UPF3A: variants seen among roughly 807,000 people sequenced by gnomAD.
UPF3A encodes the protein regulator of nonsense transcripts 3A.
UPF3A carries 42 observed loss-of-function variants against 53.5 expected under a neutral mutation model. The observed-to-expected ratio is 0.78, with a 90% CI of 0.61 to 1.01. The LOEUF (loss-of-function observed/expected upper bound fraction) is 1.01. Ranked by LOEUF, UPF3A falls within the 50% of genes least tolerant of loss-of-function variation. The pLI, the probability that UPF3A is intolerant of heterozygous loss-of-function variation, is 0.00. For missense variants in UPF3A, 575 were observed against 598.0 expected (o/e 0.96, Z 0.40); for synonymous variants, 237 against 225.3 (o/e 1.05, Z -0.47).
chr13:114,293,383 T>TAA (rs111799077), intron 7 of UPF3A, among the ~76,000 whole-genome samples: 1 of 145,666 alleles, frequency 6.9e-6, no homozygotes, highest in East Asian at 2.0e-4. Context: ...GACTCTGTCT[T>TAA]AAAAAAAAAA....
At chr13:114,281,963 C>G in intron 1 of UPF3A, 58 bp from the exon 2 acceptor site, 1 of 1,494,218 alleles carries the variant, frequency 6.7e-7, no homozygotes, top group Non-Finnish European at 9.0e-7. Context: ...TACGCGGTGC[C>G]TTTTGAGCTC....
chr13:114,304,046 C>G (rs909746050), intron 9 of UPF3A, among the ~76,000 whole-genome samples: 4 of 152,244 alleles, frequency 2.6e-5, no homozygotes, highest in Non-Finnish European at 5.9e-5. Flanking sequence ...ACTTGGGCTC[C>G]TGGTGGCTGT....
intron 3 of UPF3A, 94 bp from the exon 4 acceptor site, chr13:114,286,208 T>C: frequency 6.8e-7 from 1 of 1,467,636 alleles, no homozygotes; most frequent in African/African-American, 1.4e-5. Context: ...TTGTCGTTGT[T>C]ACACTTACTC....
chr13:114,295,085 CTGGGCGACAGA>C (rs2085742718), intron 7 of UPF3A, among the ~76,000 whole-genome samples: 1 of 146,952 alleles, frequency 6.8e-6, no homozygotes, highest in Non-Finnish European at 1.5e-5. Context: ...GCACTCCAGC[CTGGGCGACAGA>C]GCAAGACTCC....
In UPF3A at chr13:114,286,643, A is replaced by T; in HGVS notation, c.631+14A>T. The T allele has an allele frequency of 6.3e-7, 1 of 1,584,236 alleles. No homozygotes were observed. The highest frequency in any genetic ancestry group is 8.6e-7 in the Non-Finnish European group (1 of 1,164,966). Reference sequence around the variant, plus strand: ...GAGAGCTCATTGGTCTGTTTTGCTCATTTCTTCTCTTTTCTTTATTGAGAG... The same window carrying T: ...GAGAGCTCATTGGTCTGTTTTGCTCTTTTCTTCTCTTTTCTTTATTGAGAG... On this transcript the variant is annotated intron_variant, in intron 5 of 9. Coordinates refer to ENST00000375299, the MANE Select transcript of UPF3A (RefSeq NM_023011.4).
In UPF3A at chr13:114,286,044, G is replaced by T. The variant is rs889625898; in HGVS notation, c.422-258G>T. 1.3e-5 allele frequency: 6 copies of T among 445,886 alleles called. No homozygotes were observed. The Admixed American group carries it at 1.9e-4, about 14-fold the overall frequency. The allele number at this position is 445,886 out of a possible 1,614,324, so 27.6% of individuals were successfully genotyped here. ...AACATGATGGATTGTTTTAGTAAATGTTCTTCTTACCAGGAGTTCATCCTT... is the reference window on the plus strand; with the variant it reads ...AACATGATGGATTGTTTTAGTAAATTTTCTTCTTACCAGGAGTTCATCCTT... On this transcript the variant is annotated intron_variant, in intron 3 of 9. Coordinates refer to ENST00000375299, the MANE Select transcript of UPF3A (RefSeq NM_023011.4).
intron 7 of UPF3A, among the ~76,000 whole-genome samples, chr13:114,292,804 T>C (rs1362311999): frequency 6.6e-6 from 1 of 152,028 alleles, no homozygotes; most frequent in Non-Finnish European, 1.5e-5. Flanking sequence ...ACATTTTCCT[T>C]TAAAAAAAAG....
intron 8 of UPF3A, among the ~76,000 whole-genome samples, chr13:114,300,726 A>G (rs1044335076): frequency 2.0e-5 from 3 of 151,988 alleles, no homozygotes; most frequent in Admixed American, 6.6e-5. Flanking sequence ...TTAAGTAGAG[A>G]CAGGGTTTCT....
chr13:114,303,590 A>T (rs2086786756), intron 9 of UPF3A, among the ~76,000 whole-genome samples: 1 of 152,160 alleles, frequency 6.6e-6, no homozygotes, highest in African/African-American at 2.4e-5. Flanking sequence ...GTTCGAGACC[A>T]GCCTGGCCAA....
chr13:114,300,890 C>T (rs2086543336), intron 8 of UPF3A, among the ~76,000 whole-genome samples: 1 of 151,448 alleles, frequency 6.6e-6, no homozygotes, highest in South Asian at 2.1e-4. Context: ...GGCCAGGCTG[C>T]TCTCAATCTC....
chr13:114,284,040 TA>T, intron 3 of UPF3A: 1 of 985,446 alleles, frequency 1.0e-6, no homozygotes, highest in Non-Finnish European at 1.2e-6. Context: ...ATTTATTCAG[TA>T]ACTTACTGAG....
chr13:114,287,699 C>G (rs781736473), intron 5 of UPF3A: 3 of 152,172 alleles, frequency 2.0e-5, no homozygotes, highest in Non-Finnish European at 4.4e-5. Context: ...CCCAGTGGAA[C>G]TATATTTTCA....
At chr13:114,282,740 TA>T (rs1486662072) in intron 2 of UPF3A, 96 bp from the exon 3 acceptor site, 1 of 1,518,544 alleles carries the variant, frequency 6.6e-7, no homozygotes, top group Non-Finnish European at 8.8e-7. Context: ...AAGTTTTATC[TA>T]AAGTAGTTTG....
At chr13:114,294,002 T>C (rs546159762) in intron 7 of UPF3A, among the ~76,000 whole-genome samples, 1 of 152,262 alleles carries the variant, frequency 6.6e-6, no homozygotes, top group East Asian at 1.9e-4. Flanking sequence ...CAGGCTGGTC[T>C]CGTACTCTTG....
intron 7 of UPF3A, among the ~76,000 whole-genome samples, chr13:114,297,722 G>A (rs929023232): frequency 2.6e-5 from 4 of 152,144 alleles, no homozygotes; most frequent in Non-Finnish European, 4.4e-5. Context: ...CCAGCTACTT[G>A]AGAGGCTGAG....
At chr13:114,288,440 G>A (rs1409408147) in intron 5 of UPF3A, among the ~76,000 whole-genome samples, 2 of 152,226 alleles carry the variant, frequency 1.3e-5, no homozygotes, top group African/African-American at 4.8e-5. Context: ...GAGCAGTGGA[G>A]GAAGGAAGCG....
At chr13:114,299,696 T>A (rs1349430364) in intron 8 of UPF3A, among the ~76,000 whole-genome samples, 1 of 152,214 alleles carries the variant, frequency 6.6e-6, no homozygotes, top group Admixed American at 6.5e-5. Flanking sequence ...TCAGGAGGGA[T>A]CCTGTCCCTC....
chr13:114,284,977 C>T (rs976910322), intron 3 of UPF3A: 4 of 152,220 alleles, frequency 2.6e-5, no homozygotes, highest in African/African-American at 9.7e-5. Flanking sequence ...CTGGCCTAAG[C>T]CTGTGCTTTT....
chr13:114,288,438 G>A (rs77597689), intron 5 of UPF3A, among the ~76,000 whole-genome samples: 4,912 of 152,336 alleles, frequency 0.032, 118 homozygotes, highest in Non-Finnish European at 0.045. Flanking sequence ...CTGAGCAGTG[G>A]AGGAAGGAAG....
Sources: allele counts gnomAD v4.1 joint callset (sites outside exome capture counted in the v4.1 genomes callset), GRCh38; gene constraint gnomAD v4.1.1; transcripts MANE v1.5; gene names NCBI Gene and HGNC (gene_info 2026-07-23, HGNC 2026-07-21).